TRNT1: variants seen among roughly 807,000 people sequenced by gnomAD.
TRNT1 encodes the protein CCA tRNA nucleotidyltransferase 1, mitochondrial.
TRNT1 carries 44 observed loss-of-function variants against 45.6 expected under a neutral mutation model. The observed-to-expected ratio is 0.97, with a 90% CI of 0.76 to 1.24. The LOEUF (loss-of-function observed/expected upper bound fraction) is 1.24. Among genes scored for constraint, TRNT1 ranks in the 50% most tolerant of loss-of-function variants. The pLI, the probability that TRNT1 is intolerant of heterozygous loss-of-function variation, is 0.00. For synonymous variants in TRNT1, 201 were observed against 171.4 expected, an observed-to-expected ratio of 1.17 and a Z score of -1.35; for missense variants, 633 against 504.4, an observed-to-expected ratio of 1.25 and a Z score of -2.44.
chr3:3,147,423 A>G, intron 6 of TRNT1, 27 bp from the exon 7 acceptor site: 1 of 1,607,166 alleles, frequency 6.2e-7, no homozygotes, highest in Non-Finnish European at 8.5e-7. Flanking sequence ...CACTAAAAAC[A>G]GGTGAAAAAT....
At chr3:3,151,278 C>T (rs1039977882), downstream of TRNT1, among the ~76,000 whole-genome samples, 1 of 152,170 alleles carries the variant, frequency 6.6e-6, no homozygotes, top group African/African-American at 2.4e-5. Context: ...TTTTCTTCTA[C>T]TGCATAGAAA....
chr3:3,129,198 T>C lies in TRNT1; in HGVS notation c.148+10T>C. The C allele has an allele frequency of 6.2e-7, 1 of 1,613,260 alleles. No homozygotes were observed. The highest frequency in any genetic ancestry group is 8.5e-7 in the Non-Finnish European group (1 of 1,179,488). On this transcript the variant is annotated intron_variant, in intron 2 of 7. Coordinates refer to ENST00000251607, the MANE Select transcript of TRNT1 (RefSeq NM_182916.3). The stretch of plus-strand genomic sequence containing the variant: ...CTGAAGAGTCTGACAGGTGAGAGAT[T>C]AGGATACCTTTTCTTGATTGGAAAC...
rs1705392118 is a variant in TRNT1 at position 3,137,375 on chromosome 3, A to G, written c.264A>G (p.Gln88=). 3 of 1,613,962 alleles carry G rather than the reference A, an allele frequency of 1.9e-6. No homozygotes were observed. Among genetic ancestry groups the G allele is most frequent in the Non-Finnish European group, 8.5e-7 (1 of 1,179,896 alleles). Reference sequence around the variant, plus strand: ...TTGCCACCACTGCTACCCCTACTCAAATGAAGGAGATGTTTCAGTCGGCTG... The same window carrying G: ...TTGCCACCACTGCTACCCCTACTCAGATGAAGGAGATGTTTCAGTCGGCTG... The part of the protein sequence containing the change: ...IDFATTATPT[Q]MKEMFQSAGI... Residue 88 remains glutamine (Q), a synonymous_variant, in exon 3 of 8, where the codon CAA becomes CAG. Coordinates refer to ENST00000251607, the MANE Select transcript of TRNT1 (RefSeq NM_182916.3).
chr3:3,147,970 T>A lies in TRNT1; in HGVS notation c.1121T>A (p.Leu374His), dbSNP rs767919151. Residue 374 changes from leucine to histidine, a missense_variant, in exon 8 of 8, where the codon CTC becomes CAC. Transcript: ENST00000251607. ...CTGAAGTACCAAGGAGAGCACTGTC[T>A]CCTAAAGGAAATGCAGCAGTGGTCC... ...ELLKYQGEHCLLKEMQQWSIP... is the reference protein window; with the variant it reads ...ELLKYQGEHCHLKEMQQWSIP... 1 of 1,614,008 alleles carries A rather than the reference T, an allele frequency of 6.2e-7. No homozygotes were observed. The highest frequency in any genetic ancestry group is 8.5e-7 in the Non-Finnish European group (1 of 1,179,904).
In TRNT1 at chr3:3,148,403, C is replaced by G. The variant is rs77554992; in HGVS notation, c.*249C>G. 283 of 383,140 alleles carry G rather than the reference C, an allele frequency of 7.4e-4. 7 individuals are homozygous for G. The East Asian group carries it at 0.014, about 19-fold the overall frequency. 23.7% of individuals were successfully genotyped at this position (383,140 alleles called of 1,614,324 possible). ...GTTTCACCTGAGAAAACATAGTTGG[C>G]TATTATCTATCTTAACCTGTTCAGG... On this transcript the variant is annotated 3_prime_UTR_variant, in exon 8 of 8. Coordinates refer to ENST00000251607, the MANE Select transcript of TRNT1 (RefSeq NM_182916.3).
intron 5 of TRNT1, 115 bp downstream of exon 5, chr3:3,144,825 T>C: frequency 1.8e-6 from 2 of 1,091,736 alleles, no homozygotes; most frequent in Non-Finnish European, 2.5e-6. Flanking sequence ...CCCAAATGTC[T>C]GTCTCCAGTG....
At chr3:3,149,116 C>G (rs1706285668), downstream of TRNT1, 1 of 152,006 alleles carries the variant, frequency 6.6e-6, no homozygotes, top group Non-Finnish European at 1.5e-5. Context: ...TCTTTGTACT[C>G]TATGAGCAAA....
At chr3:3,129,998 G>C in intron 2 of TRNT1, 1 of 1,544,474 alleles carries the variant, frequency 6.5e-7, no homozygotes. Flanking sequence ...AACCTGTCTG[G>C]AAGGAGCATA....
chr3:3,133,555 CAA>C (rs565087780), intron 2 of TRNT1, among the ~76,000 whole-genome samples: 3 of 139,160 alleles, frequency 2.2e-5, no homozygotes, highest in African/African-American at 2.6e-5. Context: ...GACCCTCTCT[CAA>C]AAAAAAAAAA....
At chr3:3,136,114 A>G (rs962759163) in intron 2 of TRNT1, among the ~76,000 whole-genome samples, 1 of 152,166 alleles carries the variant, frequency 6.6e-6, no homozygotes, top group Non-Finnish European at 1.5e-5. Context: ...ACTGTTACCA[A>G]CTATTGTAGG....
chr3:3,138,957 A>G (rs1037536600), intron 3 of TRNT1, among the ~76,000 whole-genome samples: 2 of 152,176 alleles, frequency 1.3e-5, no homozygotes, highest in African/African-American at 4.8e-5. Context: ...CTCCCAGTCT[A>G]AGTCTCAGTA....
At chr3:3,131,092 A>G (rs916053617) in intron 2 of TRNT1, among the ~76,000 whole-genome samples, 1 of 151,714 alleles carries the variant, frequency 6.6e-6, no homozygotes, top group Non-Finnish European at 1.5e-5. Flanking sequence ...AAAAAAAAAA[A>G]TTAATGAGAT....
intron 4 of TRNT1, among the ~76,000 whole-genome samples, chr3:3,142,501 A>G (rs1672776): frequency 3.9e-5 from 6 of 152,188 alleles, no homozygotes; most frequent in African/African-American, 1.2e-4. Context: ...CTGCAACTCA[A>G]CCATATTTCA....
chr3:3,139,068 G>C (rs1361924485), intron 3 of TRNT1, among the ~76,000 whole-genome samples: 3 of 152,136 alleles, frequency 2.0e-5, no homozygotes, highest in African/African-American at 7.2e-5. Flanking sequence ...AAAGGGATGA[G>C]GGTCATGTTA....
At position 3,148,264 on chromosome 3, in the gene TRNT1, C is replaced by T. The variant is rs552220409; in HGVS notation, c.*110C>T. 28 of 1,152,894 alleles carry T rather than the reference C, an allele frequency of 2.4e-5. No homozygotes were observed. Among genetic ancestry groups the T allele is most frequent in the Non-Finnish European group, 3.2e-5 (26 of 815,586 alleles). 71.4% of individuals were successfully genotyped at this position (1,152,894 alleles called of 1,614,324 possible). A position where few individuals can be genotyped will look rare whatever the true frequency, so the allele number is the denominator to read the frequency against. On this transcript the variant is annotated 3_prime_UTR_variant, in exon 8 of 8. Coordinates refer to ENST00000251607, the MANE Select transcript of TRNT1 (RefSeq NM_182916.3). The stretch of plus-strand genomic sequence containing the variant: ...CAGAATAAAAGACAGTTTAGGGGAC[C>T]TCTGTAGAACAACAAGGGTCTTATT...
At chr3:3,150,991 C>G, downstream of TRNT1, 2 of 1,614,016 alleles carry the variant, frequency 1.2e-6, no homozygotes, top group Non-Finnish European at 1.7e-6. Flanking sequence ...TGGCCGTAAA[C>G]TTCCATCCAA....
Position 3,144,681 on chromosome 3 carries a change from G to T in TRNT1, c.579G>T (p.Glu193Asp). 1 of 1,552,318 alleles carries T rather than the reference G, an allele frequency of 6.4e-7. No homozygotes were observed. The highest frequency in any genetic ancestry group is 8.8e-7 in the Non-Finnish European group (1 of 1,142,804). ...FVGHAKQRIQ[E>D]DYLRILRYFR... ...GACATGCTAAACAGAGAATACAAGA[G>T]GATTATCTTAGAATTTTAAGATACT... Residue 193 changes from glutamate (E) to aspartate (D), a missense_variant, in exon 5 of 8, where the codon GAG becomes GAT. Transcript: ENST00000251607.
At chr3:3,153,066 A>G, downstream of TRNT1, 1 of 307,074 alleles carries the variant, frequency 3.3e-6, no homozygotes, top group South Asian at 3.5e-5. Context: ...AGCATGTCCT[A>G]CTTTGGCCCT....
At chr3:3,152,948 ATT>A (rs1706687771), downstream of TRNT1, 2 of 312,706 alleles carry the variant, frequency 6.4e-6, no homozygotes, top group Admixed American at 4.7e-5. Context: ...GGGGCAGTTG[ATT>A]ATTTTGCAGA....
Sources: allele counts gnomAD v4.1 joint callset (sites outside exome capture counted in the v4.1 genomes callset), GRCh38; gene constraint gnomAD v4.1.1; transcripts MANE v1.5; gene names NCBI Gene and HGNC (gene_info 2026-07-23, HGNC 2026-07-21).